The following NOVA1 variants were observed in gnomAD, a reference collection of about 807,000 sequenced individuals.
The protein encoded by NOVA1 is RNA-binding protein Nova-1.
In NOVA1, 7 loss-of-function variants were observed where a neutral mutation model predicts 38.0. The ratio of observed to expected loss-of-function variants is 0.18; its 90% CI spans 0.10 to 0.35. NOVA1 has a LOEUF of 0.35. Among genes scored for constraint, NOVA1 ranks in the 10% least tolerant of loss-of-function variants. The pLI, the probability that NOVA1 is intolerant of heterozygous loss-of-function variation, is 1.00. For synonymous variants in NOVA1, 270 were observed against 232.5 expected (o/e 1.16, Z -1.47); for missense variants, 460 against 616.0 (o/e 0.75, Z 2.68).
At chr14:26,551,688 T>C (rs1388678711) in intron 2 of NOVA1, among the ~76,000 whole-genome samples, 4 of 152,012 alleles carry the variant, frequency 2.6e-5, no homozygotes, top group African/African-American at 7.2e-5. Context: ...TATCAGTCTT[T>C]TATTTATATA....
chr14:26,585,454 A>G (rs1415805316), intron 2 of NOVA1, among the ~76,000 whole-genome samples: 1 of 151,182 alleles, frequency 6.6e-6, no homozygotes, highest in Non-Finnish European at 1.5e-5. Flanking sequence ...CTTCCCCACT[A>G]TAGTTGGGGA....
At chr14:26,567,074 C>T (rs1428093061) in intron 2 of NOVA1, among the ~76,000 whole-genome samples, 1 of 152,138 alleles carries the variant, frequency 6.6e-6, no homozygotes, top group East Asian at 1.9e-4. Flanking sequence ...TGCCTTCAAT[C>T]AAACTCACCT....
At chr14:26,509,346 CTA>C (rs1887882127) in intron 2 of NOVA1, among the ~76,000 whole-genome samples, 1 of 151,818 alleles carries the variant, frequency 6.6e-6, no homozygotes. Context: ...ATTGAATATC[CTA>C]AGTAAGACTC....
intron 4 of NOVA1, among the ~76,000 whole-genome samples, chr14:26,458,950 C>T (rs952243541): frequency 6.6e-6 from 1 of 151,914 alleles, no homozygotes; most frequent in Non-Finnish European, 1.5e-5. Context: ...AAAAAATATA[C>T]GAAGCAAAAA....
At chr14:26,476,445 T>C (rs1203661441) in intron 3 of NOVA1, among the ~76,000 whole-genome samples, 3 of 152,174 alleles carry the variant, frequency 2.0e-5, no homozygotes, top group African/African-American at 7.2e-5. Context: ...TCTGGCTCCC[T>C]AACATCTATC....
intron 2 of NOVA1, among the ~76,000 whole-genome samples, chr14:26,553,222 A>G (rs1891272257): frequency 6.6e-6 from 1 of 152,198 alleles, no homozygotes; most frequent in Admixed American, 6.5e-5. Flanking sequence ...GAAGGCTAAG[A>G]ACAAAGGCAT....
In NOVA1 at chr14:26,597,807, G is replaced by T; in HGVS notation, c.-371C>A. ...ACCGGGGAGGACAGGCAGAGGGAGT[G>T]GGAGAGCGCGAGGGCTGGCGGGGCG... On this transcript the variant is annotated 5_prime_UTR_variant, in exon 1 of 5. Coordinates refer to ENST00000539517, the MANE Select transcript of NOVA1 (RefSeq NM_002515.3). 1 of 529,010 alleles carries T rather than the reference G, an allele frequency of 1.9e-6. No homozygotes were observed. The highest frequency in any genetic ancestry group is 2.4e-6 in the Non-Finnish European group (1 of 408,260). 32.8% of individuals were successfully genotyped at this position (529,010 alleles called of 1,614,324 possible). A position where few individuals can be genotyped will look rare whatever the true frequency, so the allele number is the denominator to read the frequency against.
At chr14:26,464,945 A>T (rs1415011824) in intron 4 of NOVA1, among the ~76,000 whole-genome samples, 3 of 152,154 alleles carry the variant, frequency 2.0e-5, no homozygotes, top group African/African-American at 7.2e-5. Flanking sequence ...TATATGATAC[A>T]TACTAGGTTG....
At chr14:26,518,930 C>T (rs1398231006) in intron 2 of NOVA1, among the ~76,000 whole-genome samples, 1 of 151,984 alleles carries the variant, frequency 6.6e-6, no homozygotes, top group Non-Finnish European at 1.5e-5. Flanking sequence ...AAATTATATA[C>T]TTTTTCATTT....
chr14:26,585,088 T>G (rs1454825721), intron 2 of NOVA1, among the ~76,000 whole-genome samples: 1 of 151,494 alleles, frequency 6.6e-6, no homozygotes, highest in African/African-American at 2.4e-5. Flanking sequence ...TCACAAGGCA[T>G]GAAAGAGTGC....
At chr14:26,562,531 G>A (rs1336379556) in intron 2 of NOVA1, among the ~76,000 whole-genome samples, 1 of 152,078 alleles carries the variant, frequency 6.6e-6, no homozygotes, top group Non-Finnish European at 1.5e-5. Context: ...AGAAAGACAA[G>A]GAGAAGGGTG....
At chr14:26,510,934 G>C (rs1888038682) in intron 2 of NOVA1, among the ~76,000 whole-genome samples, 1 of 152,086 alleles carries the variant, frequency 6.6e-6, no homozygotes, top group Non-Finnish European at 1.5e-5. Context: ...GGACAAACCA[G>C]ACTGGTTACT....
At chr14:26,533,765 T>C (rs1000781972) in intron 2 of NOVA1, among the ~76,000 whole-genome samples, 1 of 152,216 alleles carries the variant, frequency 6.6e-6, no homozygotes, top group Non-Finnish European at 1.5e-5. Context: ...GAAATTCTTA[T>C]CTTTGCATGC....
At chr14:26,579,258 G>A (rs61988060) in intron 2 of NOVA1, among the ~76,000 whole-genome samples, 6,276 of 151,826 alleles carry the variant, frequency 0.041, 190 homozygotes, top group South Asian at 0.1. Context: ...GGGTTTCACC[G>A]TGTTGGCCAG....
At chr14:26,538,065 G>C (rs1259778537) in intron 2 of NOVA1, among the ~76,000 whole-genome samples, 1 of 152,080 alleles carries the variant, frequency 6.6e-6, no homozygotes, top group Admixed American at 6.6e-5. Context: ...ACGGCAGGGG[G>C]AAACTGACAT....
chr14:26,487,917 G>C (rs920833951), intron 2 of NOVA1, among the ~76,000 whole-genome samples: 4 of 152,086 alleles, frequency 2.6e-5, no homozygotes, highest in African/African-American at 9.7e-5. Context: ...AAAAGTACTT[G>C]ATAAAATTGC....
At chr14:26,596,538 T>G (rs748278532) in intron 1 of NOVA1, 1 of 1,288,636 alleles carries the variant, frequency 7.8e-7, no homozygotes, top group African/African-American at 1.5e-5. Flanking sequence ...AAGACCCCCA[T>G]CCGTCTACAA....
chr14:26,478,236 G>A (rs1358546577), intron 3 of NOVA1, among the ~76,000 whole-genome samples: 1 of 151,714 alleles, frequency 6.6e-6, no homozygotes, highest in Non-Finnish European at 1.5e-5. Flanking sequence ...CTGCCATATA[G>A]CAAATTAGAA....
chr14:26,576,633 T>A (rs911729342), intron 2 of NOVA1, among the ~76,000 whole-genome samples: 2 of 151,840 alleles, frequency 1.3e-5, no homozygotes, highest in Admixed American at 1.3e-4. Context: ...ACATACCACC[T>A]GATAAGGTAT....
Sources: gnomAD v4.1 joint callset for allele counts (sites outside exome capture counted in the v4.1 genomes callset) on GRCh38, gnomAD v4.1.1 for gene constraint, MANE v1.5 for transcripts, NCBI Gene and HGNC (gene_info 2026-07-23, HGNC 2026-07-21) for gene names.